Variants in SLC10A7 observed in about 807,000 individuals in gnomAD.
SLC10A7 encodes solute carrier family 10 member 7.
A neutral mutation model predicts 43.2 loss-of-function variants in SLC10A7; 29 were observed. That is an observed-to-expected ratio of 0.67 (90% CI 0.50 to 0.92). SLC10A7 has a LOEUF of 0.92. SLC10A7 is among the 40% of genes least tolerant of loss of function. The pLI, the probability that SLC10A7 is intolerant of heterozygous loss-of-function variation, is 0.00. For missense variants in SLC10A7, 295 were observed against 403.2 expected (o/e 0.73, Z 2.30); for synonymous variants, 152 against 144.8 (o/e 1.05, Z -0.35).
intron 5 of SLC10A7, among the ~76,000 whole-genome samples, chr4:146,362,662 T>A (rs939218528): frequency 1.3e-5 from 2 of 149,968 alleles, no homozygotes; most frequent in Non-Finnish European, 3.0e-5. Flanking sequence ...CTACAACAAT[T>A]TGATAATAGA....
intron 5 of SLC10A7, among the ~76,000 whole-genome samples, chr4:146,435,249 G>A (rs59746748): frequency 0.064 from 9,789 of 152,068 alleles, 376 homozygotes; most frequent in Middle Eastern, 0.095. Flanking sequence ...GAAGTTTGGA[G>A]GTCTAACACT....
In SLC10A7 at chr4:146,291,918, A is replaced by G. The variant is rs187748744; in HGVS notation, c.773+1011T>C. Among the ~76,000 whole-genome samples the G allele has an allele frequency of 3.9e-5, 6 of 152,310 alleles. No individual in the cohort carries two copies. In the East Asian group the frequency reaches 9.7e-4, roughly 25 times the overall value. On this transcript the variant is annotated intron_variant, in intron 9 of 11. Transcript: ENST00000335472. ...GGCATTCCCATGGTAACTTTCTCTAACCAAAAGTTCAAGTAATATTTGTAA... is the reference window on the plus strand; with the variant it reads ...GGCATTCCCATGGTAACTTTCTCTAGCCAAAAGTTCAAGTAATATTTGTAA...
At chr4:146,317,746 G>A (rs1263381745) in intron 6 of SLC10A7, among the ~76,000 whole-genome samples, 3 of 151,766 alleles carry the variant, frequency 2.0e-5, no homozygotes, top group African/African-American at 4.8e-5. Context: ...GGGACTATGG[G>A]TTCTTGGGTC....
intron 5 of SLC10A7, among the ~76,000 whole-genome samples, chr4:146,346,265 A>T (rs1054148248): frequency 6.6e-6 from 1 of 152,146 alleles, no homozygotes; most frequent in Non-Finnish European, 1.5e-5. Flanking sequence ...AAACAACAAC[A>T]ACAAAAAACA....
intron 4 of SLC10A7, among the ~76,000 whole-genome samples, chr4:146,470,642 G>C (rs1481039135): frequency 6.6e-6 from 1 of 152,056 alleles, no homozygotes; most frequent in African/African-American, 2.4e-5. Flanking sequence ...GTTTTTCCTA[G>C]AGTATTAAAA....
At chr4:146,332,425 G>A (rs969278508) in intron 5 of SLC10A7, among the ~76,000 whole-genome samples, 7 of 152,142 alleles carry the variant, frequency 4.6e-5, no homozygotes, top group African/African-American at 1.2e-4. Flanking sequence ...ATTGGATCAC[G>A]GGGGTGGATC....
intron 2 of SLC10A7, among the ~76,000 whole-genome samples, chr4:146,512,389 G>T (rs796291833): frequency 2.6e-5 from 4 of 152,210 alleles, no homozygotes; most frequent in African/African-American, 9.6e-5. Flanking sequence ...TTATGACTAG[G>T]AATTTATCCT....
intron 5 of SLC10A7, among the ~76,000 whole-genome samples, chr4:146,440,384 G>A (rs1235193509): frequency 3.3e-5 from 5 of 151,478 alleles, no homozygotes; most frequent in Admixed American, 1.3e-4. Flanking sequence ...CTATCCAGAC[G>A]TTCTGGCTGG....
At position 146,289,449 on chromosome 4, in the gene SLC10A7, A is replaced by C. The variant is rs940077777; in HGVS notation, c.773+3480T>G. Reference sequence around the variant, plus strand: ...TTTCTGTTACTCTAGTTATCAGCCTACCAAACTTTTTAACTTTTTATATAT... The same window carrying C: ...TTTCTGTTACTCTAGTTATCAGCCTCCCAAACTTTTTAACTTTTTATATAT... On this transcript the variant is annotated intron_variant, in intron 9 of 11. Transcript: ENST00000335472. 1.1e-4 allele frequency among the ~76,000 whole-genome samples: 16 copies of C among 152,282 alleles called. 1 individual carries two copies. The South Asian group carries it at 2.5e-3, about 24-fold the overall frequency.
Position 146,289,063 on chromosome 4 carries a change from A to G in SLC10A7, c.773+3866T>C, listed in dbSNP as rs553405464. On this transcript the variant is annotated intron_variant, in intron 9 of 11. Coordinates refer to ENST00000335472, the MANE Select transcript of SLC10A7 (RefSeq NM_001029998.6). ...TAAGCCCACTATTTTCAGAGGAGGA[A>G]ACTTCCAAGTGAGGCCTCTTCTTTG... Among the ~76,000 whole-genome samples the G allele has an allele frequency of 3.9e-5, 6 of 152,286 alleles. No homozygotes were observed. In the South Asian group the frequency reaches 1.2e-3, roughly 32 times the overall value.
At chr4:146,286,596 G>A (rs1288841787) in intron 9 of SLC10A7, among the ~76,000 whole-genome samples, 1 of 149,154 alleles carries the variant, frequency 6.7e-6, no homozygotes, top group Non-Finnish European at 1.5e-5. Flanking sequence ...GGAGTGGTGA[G>A]AAGGACCGTG....
intron 10 of SLC10A7, among the ~76,000 whole-genome samples, chr4:146,277,975 CA>C (rs1729313299): frequency 6.6e-6 from 1 of 152,076 alleles, no homozygotes; most frequent in Admixed American, 6.6e-5. Context: ...GCAGTGTAAT[CA>C]GAAATAATTT....
Position 146,310,924 on chromosome 4 carries a change from T to C in SLC10A7, c.472-4915A>G, listed in dbSNP as rs565036095. ...GCACTAGTGAAAATCAAAGCTGGGC[T>C]CCTCTTTTTGTGCCTATGTGAAAGA... On this transcript the variant is annotated intron_variant, in intron 6 of 11. Transcript: ENST00000335472. Among the ~76,000 whole-genome samples, 26 of 127,684 alleles carry C rather than the reference T, an allele frequency of 2.0e-4. No homozygotes were observed. The South Asian group carries it at 6.7e-3, about 33-fold the overall frequency. 83.8% of individuals were successfully genotyped at this position (127,684 alleles called of 152,430 possible).
intron 10 of SLC10A7, among the ~76,000 whole-genome samples, chr4:146,265,586 T>C (rs1263993842): frequency 6.6e-6 from 1 of 152,208 alleles, no homozygotes; most frequent in African/African-American, 2.4e-5. Context: ...GGTTTTGATT[T>C]TTCCTGAACA....
intron 4 of SLC10A7, among the ~76,000 whole-genome samples, chr4:146,490,268 C>T (rs2150003456): frequency 6.6e-6 from 1 of 152,190 alleles, no homozygotes; most frequent in Admixed American, 6.5e-5. Flanking sequence ...AAAAAGAATA[C>T]ACACATGCCA....
intron 5 of SLC10A7, among the ~76,000 whole-genome samples, chr4:146,399,289 G>C (rs1739054130): frequency 6.6e-6 from 1 of 152,126 alleles, no homozygotes; most frequent in Non-Finnish European, 1.5e-5. Context: ...GAGCCACAGA[G>C]GAAGGGCGAG....
intron 4 of SLC10A7, among the ~76,000 whole-genome samples, chr4:146,487,137 C>T (rs773682424): frequency 3.3e-5 from 5 of 152,278 alleles, no homozygotes; most frequent in African/African-American, 7.2e-5. Flanking sequence ...AGTTTGAGTA[C>T]CTTAACCACA....
intron 10 of SLC10A7, among the ~76,000 whole-genome samples, chr4:146,279,068 T>C (rs769242082): frequency 6.6e-6 from 1 of 152,200 alleles, no homozygotes; most frequent in African/African-American, 2.4e-5. Context: ...GCATTGATGA[T>C]GGTACTCTAT....
At position 146,292,986 on chromosome 4, in the gene SLC10A7, G is replaced by A; in HGVS notation, c.722-6C>T. 6.4e-7 allele frequency: 1 copy of A among 1,554,936 alleles called. No homozygotes were observed. The highest frequency in any genetic ancestry group is 1.7e-5 in the Admixed American group (1 of 57,224). On this transcript the variant is annotated splice_polypyrimidine_tract_variant and splice_region_variant and intron_variant, in intron 8 of 11. Transcript: ENST00000335472. ...ACTCAGCTGGATAGAAAATACTGAA[G>A]AAAAAAAGATTGAATCTAAATTAGC...
Sources: allele counts gnomAD v4.1 joint callset (sites outside exome capture counted in the v4.1 genomes callset), GRCh38; gene constraint gnomAD v4.1.1; transcripts MANE v1.5; gene names NCBI Gene and HGNC (gene_info 2026-07-23, HGNC 2026-07-21).